DOCK3: variants seen among roughly 807,000 people sequenced by gnomAD.
DOCK3 encodes dedicator of cytokinesis 3, also known as dedicator of cytokinesis protein 3.
In DOCK3, 60 loss-of-function variants were observed where a neutral mutation model predicts 265.6. The observed-to-expected ratio is 0.23, with a 90% CI of 0.18 to 0.28. The LOEUF (loss-of-function observed/expected upper bound fraction) is 0.28. Among genes scored for constraint, DOCK3 ranks in the 10% least tolerant of loss-of-function variants. The pLI, the probability that DOCK3 is intolerant of heterozygous loss-of-function variation, is 1.00. For missense variants in DOCK3, 1,981 were observed against 2,594.3 expected, an observed-to-expected ratio of 0.76 and a Z score of 5.14; for synonymous variants, 881 against 938.0, an observed-to-expected ratio of 0.94 and a Z score of 1.11.
At chr3:51,111,431 C>T (rs115109503) in intron 9 of DOCK3, among the ~76,000 whole-genome samples, 1 of 152,226 alleles carries the variant, frequency 6.6e-6, no homozygotes, top group African/African-American at 2.4e-5. Flanking sequence ...AGGCTATACA[C>T]CTACAACTAT....
In DOCK3 at chr3:51,233,349, TCTATCTATC is replaced by T. The variant is rs1476346948; in HGVS notation, c.1918-2995_1918-2987del. Among the ~76,000 whole-genome samples, 28 of 36,602 alleles carry T rather than the reference TCTATCTATC, an allele frequency of 7.6e-4. No homozygotes were observed. The South Asian group carries it at 0.043, about 56-fold the overall frequency. 24.0% of individuals were successfully genotyped at this position (36,602 alleles called of 152,430 possible). A position where few individuals can be genotyped will look rare whatever the true frequency, so the allele number is the denominator to read the frequency against. On this transcript the variant is annotated intron_variant, in intron 19 of 52. Coordinates refer to ENST00000266037, the MANE Select transcript of DOCK3 (RefSeq NM_004947.5). ...ATCTATCTATCTATCTATCTATCTATCTATCTATCTATTTATTTATTTATTTATTTATTT... is the reference window on the plus strand; with the variant it reads ...ATCTATCTATCTATCTATCTATCTATTATTTATTTATTTATTTATTTATTT...
intron 1 of DOCK3, among the ~76,000 whole-genome samples, chr3:50,720,845 G>T (rs1308049189): frequency 1.3e-5 from 2 of 152,114 alleles, no homozygotes; most frequent in Admixed American, 6.5e-5. Flanking sequence ...CCTTTTCTCT[G>T]TAACCTTGCC....
At chr3:51,049,521 T>A (rs2080909180) in intron 5 of DOCK3, among the ~76,000 whole-genome samples, 1 of 152,096 alleles carries the variant, frequency 6.6e-6, no homozygotes, top group Non-Finnish European at 1.5e-5. Flanking sequence ...GGGTACTAAA[T>A]AAACTGTTCT....
chr3:51,014,783 G>C (rs548782439), intron 5 of DOCK3, among the ~76,000 whole-genome samples: 15 of 152,020 alleles, frequency 9.9e-5, no homozygotes, highest in African/African-American at 3.6e-4. Flanking sequence ...CCAATCCATG[G>C]ACTATCTTTC....
chr3:51,018,413 C>G (rs1413281947), intron 5 of DOCK3, among the ~76,000 whole-genome samples: 9 of 139,698 alleles, frequency 6.4e-5, no homozygotes. Context: ...GCCTGGGCAA[C>G]AAAGTGAGAC....
intron 2 of DOCK3, among the ~76,000 whole-genome samples, chr3:50,790,201 A>G (rs890171577): frequency 6.6e-5 from 10 of 152,068 alleles, no homozygotes; most frequent in Non-Finnish European, 1.2e-4. Context: ...GAGTCCTTAT[A>G]TGTTAGGTGA....
intron 6 of DOCK3, among the ~76,000 whole-genome samples, chr3:51,068,856 C>G (rs4285024): frequency 6.6e-6 from 1 of 152,134 alleles, no homozygotes; most frequent in African/African-American, 2.4e-5. Context: ...TGATGTATAT[C>G]TGAGTAATAT....
intron 7 of DOCK3, among the ~76,000 whole-genome samples, chr3:51,083,053 C>T (rs1308560197): frequency 2.0e-5 from 3 of 152,092 alleles, no homozygotes; most frequent in Admixed American, 2.0e-4. Flanking sequence ...ACTGACCTTC[C>T]ACCATGGGGT....
chr3:51,354,383 A>G (rs1241864325), intron 40 of DOCK3, among the ~76,000 whole-genome samples: 2 of 152,164 alleles, frequency 1.3e-5, no homozygotes, highest in Non-Finnish European at 2.9e-5. Context: ...CTTTGAAGAC[A>G]TGTCAAGAGG....
chr3:50,828,247 T>C (rs2044893532), intron 2 of DOCK3, among the ~76,000 whole-genome samples: 1 of 151,952 alleles, frequency 6.6e-6, no homozygotes, highest in Non-Finnish European at 1.5e-5. Context: ...GCACTCTTAT[T>C]AGAGTCTACC....
At chr3:51,124,544 C>T (rs1461103975) in intron 9 of DOCK3, among the ~76,000 whole-genome samples, 1 of 151,848 alleles carries the variant, frequency 6.6e-6, no homozygotes, top group Non-Finnish European at 1.5e-5. Flanking sequence ...ACTGAGTGCA[C>T]AGAATATCAA....
intron 5 of DOCK3, among the ~76,000 whole-genome samples, chr3:51,014,461 A>G (rs1348074535): frequency 6.6e-6 from 1 of 152,032 alleles, no homozygotes; most frequent in African/African-American, 2.4e-5. Flanking sequence ...CTGTTTGATC[A>G]TATTATTTTC....
At chr3:51,184,754 G>T (rs550837332) in intron 12 of DOCK3, among the ~76,000 whole-genome samples, 1 of 152,136 alleles carries the variant, frequency 6.6e-6, no homozygotes, top group Non-Finnish European at 1.5e-5. Context: ...TGAGATGTGC[G>T]TACTGAACTC....
chr3:51,216,072 A>T (rs2089770581), intron 14 of DOCK3, among the ~76,000 whole-genome samples: 1 of 152,090 alleles, frequency 6.6e-6, no homozygotes, highest in South Asian at 2.1e-4. Context: ...ATCTAGGCTT[A>T]TGTGGTGGAG....
In DOCK3 at chr3:51,116,881, C is replaced by G. The variant is rs1185308163; in HGVS notation, c.746+26497C>G. Among the ~76,000 whole-genome samples the G allele has an allele frequency of 2.0e-5, 3 of 152,172 alleles. No individual in the cohort carries two copies. The South Asian group carries it at 6.2e-4, about 32-fold the overall frequency. ...TTTTGGGCTGAGACGATGAGATTTT[C>G]TAAATATACCATCATGTAATCTGCA... On this transcript the variant is annotated intron_variant, in intron 9 of 52. Coordinates refer to ENST00000266037, the MANE Select transcript of DOCK3 (RefSeq NM_004947.5).
chr3:51,220,670 A>T (rs1817448), intron 14 of DOCK3, among the ~76,000 whole-genome samples: 46,413 of 106,566 alleles, frequency 0.44, 10,248 homozygotes, highest in East Asian at 0.75. Context: ...AAAAAAAAAA[A>T]ATATATATAT....
At chr3:51,081,431 A>G (rs765560750) in intron 7 of DOCK3, among the ~76,000 whole-genome samples, 5 of 152,210 alleles carry the variant, frequency 3.3e-5, no homozygotes, top group Non-Finnish European at 7.3e-5. Flanking sequence ...ATAAAAAATA[A>G]CAATTATACT....
chr3:50,702,166 A>G (rs770837373), intron 1 of DOCK3, among the ~76,000 whole-genome samples: 1 of 152,168 alleles, frequency 6.6e-6, no homozygotes, highest in African/African-American at 2.4e-5. Flanking sequence ...TAGTATGGTC[A>G]TTTTAACACT....
chr3:51,362,080 T>C lies in DOCK3; in HGVS notation c.5145+83T>C, dbSNP rs868260884. ...CTGTTGCAATGTCTAGTCTGAGGGC[T>C]TGGCAACCCTGCCTAATTCTCTAGC... On this transcript the variant is annotated intron_variant, in intron 48 of 52. Transcript: ENST00000266037. 1.8e-4 allele frequency: 261 copies of C among 1,475,388 alleles called. 1 individual carries two copies. In the Middle Eastern group the frequency reaches 2.7e-3, roughly 15 times the overall value. The allele number at this position is 1,475,388 out of a possible 1,614,324, so 91.4% of individuals were successfully genotyped here.
Sources: allele counts gnomAD v4.1 joint callset (sites outside exome capture counted in the v4.1 genomes callset), GRCh38; gene constraint gnomAD v4.1.1; transcripts MANE v1.5; gene names NCBI Gene and HGNC (gene_info 2026-07-23, HGNC 2026-07-21).